Variants in KCNMA1 observed in about 807,000 individuals in gnomAD.
KCNMA1 encodes Calcium-activated potassium channel subunit alpha-1.
A neutral mutation model predicts 140.0 loss-of-function variants in KCNMA1; 29 were observed. The observed-to-expected ratio is 0.21, with a 90% CI of 0.15 to 0.28. KCNMA1 has a LOEUF of 0.28. Ranked by LOEUF, KCNMA1 falls within the 10% of genes least tolerant of loss-of-function variation. The pLI is 1.00. For synonymous variants in KCNMA1, 612 were observed against 611.9 expected (o/e 1.00, Z 0.00); for missense variants, 880 against 1,602.2 (o/e 0.55, Z 7.70).
intron 24 of KCNMA1, chr10:76,912,289 C>T (rs2050658106): frequency 6.6e-6 from 1 of 152,154 alleles, no homozygotes; most frequent in South Asian, 2.1e-4. Context: ...TCTGAGGAGC[C>T]TTTGCCATGC....
At chr10:77,062,548 C>T (rs1239332738) in intron 14 of KCNMA1, among the ~76,000 whole-genome samples, 1 of 152,134 alleles carries the variant, frequency 6.6e-6, no homozygotes, top group Admixed American at 6.5e-5. Flanking sequence ...TCATCATCTC[C>T]CTTCTGTACT....
intron 1 of KCNMA1, among the ~76,000 whole-genome samples, chr10:77,409,599 G>A (rs1282390842): frequency 6.6e-6 from 1 of 152,168 alleles, no homozygotes; most frequent in Non-Finnish European, 1.5e-5. Context: ...CAGGTGTGAG[G>A]GTCACGACAA....
intron 2 of KCNMA1, among the ~76,000 whole-genome samples, chr10:77,348,608 C>T (rs575281703): frequency 6.6e-6 from 1 of 152,298 alleles, no homozygotes; most frequent in African/African-American, 2.4e-5. Flanking sequence ...TGCTGGGATC[C>T]GTCTTGAAAG....
chr10:77,458,969 C>T (rs965002332), intron 1 of KCNMA1, among the ~76,000 whole-genome samples: 3 of 152,188 alleles, frequency 2.0e-5, no homozygotes, highest in African/African-American at 7.2e-5. Context: ...ATAGGGGTAG[C>T]ACTGGCATAG....
intron 19 of KCNMA1, 102 bp from the exon 20 acceptor site, chr10:76,970,169 C>T (rs2075604907): frequency 2.2e-6 from 2 of 902,138 alleles, no homozygotes; most frequent in Non-Finnish European, 3.7e-6. Flanking sequence ...CAGTCACTCA[C>T]TAGGAATTCA....
In KCNMA1 at chr10:76,973,047, T is replaced by C. The variant is rs896081351; in HGVS notation, c.2267-2980A>G. ...AAAGGGAGACTTAAATTTACTCACT[T>C]TCATGAAAGACAAACGTGTTGAAGT... On this transcript the variant is annotated intron_variant, in intron 19 of 27. Transcript: ENST00000286628. The C allele has an allele frequency of 2.0e-5, 3 of 152,210 alleles. No homozygotes were observed. In the South Asian group the frequency reaches 6.2e-4, roughly 32 times the overall value. 9.4% of individuals were successfully genotyped at this position (152,210 alleles called of 1,614,324 possible).
At chr10:77,310,336 G>T (rs2078952775) in intron 2 of KCNMA1, among the ~76,000 whole-genome samples, 1 of 152,118 alleles carries the variant, frequency 6.6e-6, no homozygotes. Flanking sequence ...CAACCAAAGG[G>T]TTAATTTCTG....
intron 20 of KCNMA1, among the ~76,000 whole-genome samples, chr10:76,956,100 G>A (rs11001940): frequency 0.068 from 10,375 of 152,270 alleles, 506 homozygotes; most frequent in Admixed American, 0.16. Context: ...TAGAAAATGT[G>A]TGCCTTGGGG....
chr10:77,144,488 A>G (rs990562411), intron 5 of KCNMA1, among the ~76,000 whole-genome samples: 4 of 152,208 alleles, frequency 2.6e-5, no homozygotes, highest in Non-Finnish European at 5.9e-5. Flanking sequence ...AATGTTCTCT[A>G]TGTTGATATG....
chr10:77,584,299 A>C (rs2076646155), intron 1 of KCNMA1, among the ~76,000 whole-genome samples: 1 of 152,182 alleles, frequency 6.6e-6, no homozygotes, highest in Non-Finnish European at 1.5e-5. Flanking sequence ...GACTTGTGGG[A>C]AGCCCTTATT....
At chr10:77,377,611 G>A (rs2095208642) in intron 2 of KCNMA1, among the ~76,000 whole-genome samples, 1 of 152,168 alleles carries the variant, frequency 6.6e-6, no homozygotes, top group Admixed American at 6.5e-5. Context: ...GCTGGGCCAT[G>A]AGGATACAGT....
chr10:76,971,865 G>A (rs1565281473), intron 19 of KCNMA1, among the ~76,000 whole-genome samples: 2 of 152,152 alleles, frequency 1.3e-5, no homozygotes, highest in South Asian at 2.1e-4. Flanking sequence ...TGCATCTCTC[G>A]GCAAGCAAAC....
chr10:77,129,838 C>T (rs2097820320), intron 5 of KCNMA1, among the ~76,000 whole-genome samples: 1 of 151,764 alleles, frequency 6.6e-6, no homozygotes, highest in African/African-American at 2.4e-5. Context: ...CTGTGAAAAA[C>T]CTCAGTGAGA....
At chr10:77,174,556 G>C (rs1020181187) in intron 5 of KCNMA1, among the ~76,000 whole-genome samples, 2 of 152,216 alleles carry the variant, frequency 1.3e-5, no homozygotes, top group Non-Finnish European at 2.9e-5. Context: ...TGGAGGAACT[G>C]AGCTTTTAAA....
intron 1 of KCNMA1, among the ~76,000 whole-genome samples, chr10:77,478,100 C>G (rs943614436): frequency 6.6e-6 from 1 of 152,182 alleles, no homozygotes; most frequent in African/African-American, 2.4e-5. Context: ...AATGCATTCT[C>G]TGAGTTTATT....
chr10:77,550,649 C>T (rs1190517216), intron 1 of KCNMA1, among the ~76,000 whole-genome samples: 2 of 152,198 alleles, frequency 1.3e-5, no homozygotes, highest in African/African-American at 4.8e-5. Flanking sequence ...CAGGCCGCGT[C>T]TGGGCAGAAG....
At chr10:77,518,266 A>G (rs777179259) in intron 1 of KCNMA1, among the ~76,000 whole-genome samples, 1 of 152,160 alleles carries the variant, frequency 6.6e-6, no homozygotes, top group Non-Finnish European at 1.5e-5. Context: ...TTATTTATTT[A>G]CTATGTTTCT....
In KCNMA1 at chr10:76,974,679, G is replaced by A. The variant is rs957249963; in HGVS notation, c.2267-4612C>T. On this transcript the variant is annotated intron_variant, in intron 19 of 27. Coordinates refer to ENST00000286628, the MANE Select transcript of KCNMA1 (RefSeq NM_001161352.2). Reference sequence around the variant, plus strand: ...CATTGAATAGCTTTGAATCAAACTGGAAGTTTCTCCCTCACAGCTGAATTG... The same window carrying A: ...CATTGAATAGCTTTGAATCAAACTGAAAGTTTCTCCCTCACAGCTGAATTG... 32 of 776,824 alleles carry A rather than the reference G, an allele frequency of 4.1e-5. No homozygotes were observed. The African/African-American group carries it at 5.6e-4, about 14-fold the overall frequency. The allele number at this position is 776,824 out of a possible 1,614,324, so 48.1% of individuals were successfully genotyped here. A position where few individuals can be genotyped will look rare whatever the true frequency, so the allele number is the denominator to read the frequency against.
chr10:77,554,744 G>C (rs1451213901), intron 1 of KCNMA1, among the ~76,000 whole-genome samples: 1 of 152,132 alleles, frequency 6.6e-6, no homozygotes, highest in African/African-American at 2.4e-5. Flanking sequence ...AACTTTCCAA[G>C]GCCTTCCTGT....
Sources: allele counts gnomAD v4.1 joint callset (sites outside exome capture counted in the v4.1 genomes callset), GRCh38; gene constraint gnomAD v4.1.1; transcripts MANE v1.5; gene names NCBI Gene and HGNC (gene_info 2026-07-23, HGNC 2026-07-21).